LIPA: variants seen among roughly 807,000 people sequenced by gnomAD.
The protein encoded by LIPA is lysosomal acid lipase/cholesteryl ester hydrolase.
A neutral mutation model predicts 40.6 loss-of-function variants in LIPA; 26 were observed. The observed-to-expected ratio is 0.64, with a 90% confidence interval of 0.47 to 0.89. The LOEUF is 0.89. Among genes scored for constraint, LIPA ranks in the 40% least tolerant of loss-of-function variants. LIPA has a pLI of 0.00. For synonymous variants in LIPA, 188 were observed against 168.4 expected (o/e 1.12, Z -0.90); for missense variants, 455 against 479.6 (o/e 0.95, Z 0.48).
intron 1 of LIPA, among the ~76,000 whole-genome samples, chr10:89,260,069 T>TA (rs1315577068): frequency 2.6e-5 from 4 of 152,198 alleles, no homozygotes; most frequent in Admixed American, 6.5e-5. Flanking sequence ...TAAGCCTATT[T>TA]AAAAAAATAC....
chr10:89,315,426 TTA>T (rs1434391847), intron 1 of LIPA, among the ~76,000 whole-genome samples: 2 of 152,206 alleles, frequency 1.3e-5, no homozygotes, highest in Admixed American at 6.5e-5. Flanking sequence ...ATATGTCATG[TTA>T]ATTTTGCTAC....
upstream of LIPA, among the ~76,000 whole-genome samples, chr10:89,252,937 C>T (rs1843150956): frequency 1.3e-5 from 2 of 152,100 alleles, no homozygotes; most frequent in Non-Finnish European, 2.9e-5. Flanking sequence ...AAAGCACATT[C>T]TGGGTGAAAA....
At chr10:89,316,910 C>G (rs905758449) in intron 1 of LIPA, among the ~76,000 whole-genome samples, 1 of 151,762 alleles carries the variant, frequency 6.6e-6, no homozygotes, top group Admixed American at 6.6e-5. Context: ...CAACATTTGC[C>G]TTTCTGCAGC....
chr10:89,253,956 T>A (rs1028762488), upstream of LIPA, among the ~76,000 whole-genome samples: 15 of 152,364 alleles, frequency 9.8e-5, no homozygotes, highest in East Asian at 2.9e-3. Flanking sequence ...GGAGGTGGGT[T>A]CCCATGGTCT....
chr10:89,346,007 C>A (rs117745566), upstream of LIPA, among the ~76,000 whole-genome samples: 16 of 152,186 alleles, frequency 1.1e-4, no homozygotes, highest in East Asian at 5.8e-4. Flanking sequence ...CTTTTAAGTG[C>A]CTTTGAGGCA....
At chr10:89,336,384 C>T (rs1262490397) in intron 1 of LIPA, among the ~76,000 whole-genome samples, 1 of 152,182 alleles carries the variant, frequency 6.6e-6, no homozygotes, top group African/African-American at 2.4e-5. Context: ...ATGGCAACTT[C>T]CCTCCTCACT....
chr10:89,409,979 C>A (rs1841457082), intron 2 of LIPA, among the ~76,000 whole-genome samples: 1 of 152,188 alleles, frequency 6.6e-6, no homozygotes, highest in South Asian at 2.1e-4. Flanking sequence ...AAGCTCTAGC[C>A]TTAAGCCTTC....
chr10:89,246,858 T>C (rs1233715811), intron 2 of LIPA, among the ~76,000 whole-genome samples: 1 of 152,160 alleles, frequency 6.6e-6, no homozygotes, highest in Non-Finnish European at 1.5e-5. Context: ...ATCACAACCT[T>C]TGTTCAATGT....
chr10:89,277,187 T>C (rs1222920975), intron 1 of LIPA, among the ~76,000 whole-genome samples: 2 of 152,240 alleles, frequency 1.3e-5, no homozygotes, highest in Non-Finnish European at 2.9e-5. Flanking sequence ...AAAGCCTGCA[T>C]GCAGTAGGAA....
rs1256314293 is a variant in LIPA, at chr10:89,307,249, G to A, written c.-2+35362C>T. On this transcript the variant is annotated intron_variant, in intron 1 of 5. Coordinates refer to the LIPA transcript ENST00000282673. Reference sequence around the variant, plus strand: ...TTTCTAAAAATGGAGCAGATTCTGAGGCTTTGCATGTCTTGGCATTCCTTC... The same window carrying A: ...TTTCTAAAAATGGAGCAGATTCTGAAGCTTTGCATGTCTTGGCATTCCTTC... 2.5e-6 allele frequency: 4 copies of A among 1,613,918 alleles called. No homozygotes were observed. The East Asian group carries it at 8.9e-5, about 36-fold the overall frequency.
At chr10:89,370,949 C>A (rs1164461833) in intron 2 of LIPA, among the ~76,000 whole-genome samples, 3 of 152,168 alleles carry the variant, frequency 2.0e-5, no homozygotes, top group African/African-American at 7.2e-5. Flanking sequence ...ACCCAGGAGG[C>A]AGAGACTGCA....
At chr10:89,318,644 G>A in intron 1 of LIPA, among the ~76,000 whole-genome samples, 1 of 152,092 alleles carries the variant, frequency 6.6e-6, no homozygotes, top group Non-Finnish European at 1.5e-5. Flanking sequence ...GTCAACATTA[G>A]ACAGATCAAC....
intron 1 of LIPA, among the ~76,000 whole-genome samples, chr10:89,260,797 C>A (rs1354211130): frequency 6.6e-6 from 1 of 152,168 alleles, no homozygotes; most frequent in Non-Finnish European, 1.5e-5. Flanking sequence ...TTAAACATGT[C>A]CCATTCTGTT....
At chr10:89,339,332 G>A (rs1441886057) in intron 1 of LIPA, 3 of 1,613,792 alleles carry the variant, frequency 1.9e-6, no homozygotes, top group Non-Finnish European at 2.5e-6. Flanking sequence ...GAAGCTGAAG[G>A]AGAGCAGTTT....
chr10:89,227,025 T>A, intron 4 of LIPA, 21 bp from the exon 5 acceptor site: 1 of 1,381,716 alleles, frequency 7.2e-7, no homozygotes, highest in Non-Finnish European at 1.0e-6. Context: ...AGAAAGGAAC[T>A]CTTTCATTGA....
chr10:89,364,056 A>G (rs1844041780), intron 2 of LIPA, among the ~76,000 whole-genome samples: 1 of 152,206 alleles, frequency 6.6e-6, no homozygotes, highest in African/African-American at 2.4e-5. Flanking sequence ...AAATCTAAAT[A>G]TCAGATAAAT....
chr10:89,292,802 T>G (rs1843382136), intron 1 of LIPA, among the ~76,000 whole-genome samples: 1 of 151,540 alleles, frequency 6.6e-6, no homozygotes, highest in Non-Finnish European at 1.5e-5. Flanking sequence ...CATGCCACCA[T>G]GCCTGGCTAC....
rs780038206 is a variant in LIPA, at chr10:89,402,640, A to G, written c.61+10151T>C. The G allele has an allele frequency of 1.8e-5, 29 of 1,614,124 alleles. No individual in the cohort carries two copies. Among genetic ancestry groups the G allele is most frequent in the Non-Finnish European group, 2.5e-5 (29 of 1,180,048 alleles). On this transcript the variant is annotated intron_variant, in intron 2 of 8. Coordinates refer to the LIPA transcript ENST00000371837. Reference sequence around the variant, plus strand: ...GCCCAGACTTACCTGGACAAGGTGGAGAACATTTGCAAGAAGCTTTCAAAT... The same window carrying G: ...GCCCAGACTTACCTGGACAAGGTGGGGAACATTTGCAAGAAGCTTTCAAAT...
At chr10:89,346,747 G>A (rs1379198344), upstream of LIPA, among the ~76,000 whole-genome samples, 1 of 152,200 alleles carries the variant, frequency 6.6e-6, no homozygotes, top group East Asian at 1.9e-4. Context: ...CCTGAACCAA[G>A]ATCCACCAGG....
Sources: gnomAD v4.1 joint callset for allele counts (sites outside exome capture counted in the v4.1 genomes callset) on GRCh38, gnomAD v4.1.1 for gene constraint, MANE v1.5 for transcripts, NCBI Gene and HGNC (gene_info 2026-07-23, HGNC 2026-07-21) for gene names.